Variants in CRACDL observed in about 807,000 individuals in gnomAD.
CRACDL encodes CRACD like.
Under a neutral mutation model 70.6 loss-of-function variants are expected in CRACDL, and 26 were observed. The observed-to-expected ratio is 0.37, with a 90% CI of 0.27 to 0.51. The LOEUF (loss-of-function observed/expected upper bound fraction) is 0.51, where lower values mean the gene tolerates loss of function less well. CRACDL is among the 20% of genes least tolerant of loss of function. CRACDL has a pLI of 0.94. For synonymous variants in CRACDL, 618 were observed against 615.2 expected (o/e 1.00, Z -0.07); for missense variants, 1,283 against 1,376.9 (o/e 0.93, Z 1.08).
chr2:98,823,636 G>T lies in CRACDL; in HGVS notation c.736-99C>A. 7.1e-7 allele frequency: 1 copy of T among 1,411,688 alleles called. No homozygotes were observed. Among genetic ancestry groups the T allele is most frequent in the Non-Finnish European group, 9.7e-7 (1 of 1,036,188 alleles). The allele number at this position is 1,411,688 out of a possible 1,614,324, so 87.4% of individuals were successfully genotyped here. ...CAAGGCTTATAATGGTTTAGTGATA[G>T]CAGCACTATAAAGCTGGCACTTAAG... On this transcript the variant is annotated intron_variant, in intron 6 of 9. Transcript: ENST00000397899. The surrounding 1 kb of genome is among the most constrained non-coding windows in gnomAD (Gnocchi z 4.0).
intron 1 of CRACDL, among the ~76,000 whole-genome samples, chr2:98,888,402 G>A (rs2104629418): frequency 6.6e-6 from 1 of 152,312 alleles, no homozygotes; most frequent in African/African-American, 2.4e-5. Flanking sequence ...ACATATGTAA[G>A]AGCAAAGTTT....
rs748050292 is a variant in CRACDL, at chr2:98,822,324, G to T, written c.1949C>A (p.Pro650Gln). 4 of 1,458,354 alleles carry T rather than the reference G, an allele frequency of 2.7e-6. No homozygotes were observed. The Admixed American group carries it at 1.1e-4, about 40-fold the overall frequency. The allele number at this position is 1,458,354 out of a possible 1,614,324, so 90.3% of individuals were successfully genotyped here. A position where few individuals can be genotyped will look rare whatever the true frequency, so the allele number is the denominator to read the frequency against. Reference protein sequence around the residue: ...SGDRAASPAGPRKSPQEAAAA... With the variant: ...SGDRAASPAGQRKSPQEAAAA... Reference sequence around the variant, plus strand: ...GGCCGCCTCCTGAGGGCTCTTGCGCGGCCCGGCCGGGCTGGCCGCCCTGTC... The same window carrying T: ...GGCCGCCTCCTGAGGGCTCTTGCGCTGCCCGGCCGGGCTGGCCGCCCTGTC... Residue 650 changes from proline (P) to glutamine (Q), a missense_variant, in exon 7 of 10, where the codon CCG (proline) becomes CAG (glutamine). Physicochemically the swap from Pro to Gln is moderately conservative, Grantham distance 76 (BLOSUM62 -1). Coordinates refer to ENST00000397899, the MANE Select transcript of CRACDL (RefSeq NM_207362.3). This position sits in a 1 kb window ranked among gnomAD's most constrained non-coding sequence, Gnocchi z 4.9.
chr2:98,825,397 G>C (rs1705260206), intron 6 of CRACDL, among the ~76,000 whole-genome samples: 1 of 152,228 alleles, frequency 6.6e-6, no homozygotes, highest in African/African-American at 2.4e-5. Flanking sequence ...TGGGATTCAA[G>C]AACTAAGTCA....
In CRACDL at chr2:98,863,290, T is replaced by C. The variant is rs145411110; in HGVS notation, c.-10-16480A>G. ...AAAAAAATGTCAAGCATGAGTCCTA[T>C]AACTGGCAAAAGTATCCTTGAAAAG... On this transcript the variant is annotated intron_variant, in intron 1 of 9. Coordinates refer to ENST00000397899, the MANE Select transcript of CRACDL (RefSeq NM_207362.3). Among the ~76,000 whole-genome samples the C allele has an allele frequency of 2.2e-3, 342 of 152,282 alleles. 1 individual carries two copies. Among genetic ancestry groups the C allele is most frequent in the African/African-American group, 7.1e-3 (295 of 41,552 alleles).
chr2:98,814,933 G>A (rs918138165), intron 7 of CRACDL, among the ~76,000 whole-genome samples: 4 of 151,950 alleles, frequency 2.6e-5, no homozygotes, highest in African/African-American at 9.7e-5. Flanking sequence ...ATTATATAAT[G>A]TTCCATTTTA....
chr2:98,811,084 T>C (rs1489179869), intron 7 of CRACDL, among the ~76,000 whole-genome samples: 2 of 152,014 alleles, frequency 1.3e-5, no homozygotes, highest in African/African-American at 2.4e-5. Flanking sequence ...TGCATGCCCA[T>C]CTTGTTGTGG....
intron 7 of CRACDL, among the ~76,000 whole-genome samples, chr2:98,803,160 C>A (rs61359279): frequency 0.021 from 3,131 of 152,132 alleles, 63 homozygotes; most frequent in East Asian, 0.093. Flanking sequence ...CCACCACGCT[C>A]AGCTAATTTT....
At chr2:98,908,126 A>G (rs1338555464) in intron 1 of CRACDL, among the ~76,000 whole-genome samples, 1 of 152,094 alleles carries the variant, frequency 6.6e-6, no homozygotes, top group African/African-American at 2.4e-5. Flanking sequence ...CAGCCCAGCC[A>G]CTCCGTAGCA....
chr2:98,798,546 T>C (rs537769602), intron 7 of CRACDL, among the ~76,000 whole-genome samples: 2 of 151,324 alleles, frequency 1.3e-5, no homozygotes, highest in South Asian at 4.2e-4. Context: ...ACTGTGCTTG[T>C]CTTTGGGTGG....
At chr2:98,854,941 C>T (rs1173306004) in intron 1 of CRACDL, among the ~76,000 whole-genome samples, 1 of 152,210 alleles carries the variant, frequency 6.6e-6, no homozygotes, top group Non-Finnish European at 1.5e-5. Context: ...TACATAATAA[C>T]ATCACATCAA....
At chr2:98,879,580 A>G (rs112191413) in intron 1 of CRACDL, among the ~76,000 whole-genome samples, 16,166 of 152,048 alleles carry the variant, frequency 0.11, 1,253 homozygotes, top group Admixed American at 0.23. Context: ...ATGGCGTCTC[A>G]CTCTGTTGCC....
At chr2:98,835,894 G>A (rs930141961) in intron 3 of CRACDL, among the ~76,000 whole-genome samples, 2 of 152,174 alleles carry the variant, frequency 1.3e-5, no homozygotes, top group African/African-American at 2.4e-5. Flanking sequence ...GTGGAGGGAC[G>A]ACAGTGACAC....
At chr2:98,865,972 C>T (rs1244147351) in intron 1 of CRACDL, among the ~76,000 whole-genome samples, 1 of 151,944 alleles carries the variant, frequency 6.6e-6, no homozygotes, top group East Asian at 1.9e-4. Flanking sequence ...AGGTGATCCA[C>T]TCACCTCTGC....
intron 7 of CRACDL, among the ~76,000 whole-genome samples, chr2:98,812,958 T>C (rs527460548): frequency 6.6e-6 from 1 of 152,344 alleles, no homozygotes; most frequent in East Asian, 1.9e-4. Flanking sequence ...AAATATTTTC[T>C]CATATTTTTT....
Position 98,794,213 on chromosome 2 carries a change from A to AT in CRACDL, c.*318dup, listed in dbSNP as rs572645980. On this transcript the variant is annotated 3_prime_UTR_variant, in exon 10 of 10. Transcript: ENST00000397899. ...GCTGGGTGTCCTATTTATGTGTCCA[A>AT]TTTCATTTCTATTTTCTTCCTTGTC... 81 of 214,592 alleles carry AT rather than the reference A, an allele frequency of 3.8e-4. 1 individual carries two copies. In the South Asian group the frequency reaches 8.5e-3, roughly 22 times the overall value. The allele number at this position is 214,592 out of a possible 1,614,324, so 13.3% of individuals were successfully genotyped here. A position where few individuals can be genotyped will look rare whatever the true frequency, so the allele number is the denominator to read the frequency against.
intron 1 of CRACDL, among the ~76,000 whole-genome samples, chr2:98,888,394 A>G (rs1707851998): frequency 6.6e-6 from 1 of 152,264 alleles, no homozygotes; most frequent in African/African-American, 2.4e-5. Context: ...GGGAATAGAC[A>G]TATGTAAGAG....
chr2:98,926,967 T>G (rs1708922405), intron 1 of CRACDL, among the ~76,000 whole-genome samples: 1 of 152,138 alleles, frequency 6.6e-6, no homozygotes, highest in Non-Finnish European at 1.5e-5. Flanking sequence ...AGGGATTCGT[T>G]TCTAAGTACT....
chr2:98,893,814 A>G (rs547253839), intron 1 of CRACDL, among the ~76,000 whole-genome samples: 4 of 152,270 alleles, frequency 2.6e-5, no homozygotes, highest in African/African-American at 9.6e-5. Context: ...TACTGAGGAA[A>G]TCCATGCCGT....
chr2:98,832,928 C>G lies in CRACDL; in HGVS notation c.309G>C (p.Gln103His). 6.2e-7 allele frequency: 1 copy of G among 1,614,148 alleles called. No individual in the cohort carries two copies. The highest frequency in any genetic ancestry group is 8.5e-7 in the Non-Finnish European group (1 of 1,179,980). ...HDSIFIPESG[Q>H]DATRPVRVFS... The stretch of plus-strand genomic sequence containing the variant: ...ACACCCGCACAGGCCGAGTAGCGTC[C>G]TGTCCGGACTCAGGAATGAAAATAC... The change falls in exon 4 of 10, where the codon CAG becomes CAC. Residue 103 changes from glutamine (Q) to histidine (H), a missense_variant. Physicochemically the swap from Gln to His is conservative, Grantham distance 24. This residue lies in a region of CRACDL where 362 missense variants were observed against 495.0 expected (regional missense o/e 0.73). Coordinates refer to ENST00000397899, the MANE Select transcript of CRACDL (RefSeq NM_207362.3).
Sources: gnomAD v4.1 joint callset for allele counts (sites outside exome capture counted in the v4.1 genomes callset) on GRCh38, gnomAD v4.1.1 for gene constraint, gnomAD v4.1.1 regional missense constraint, Gnocchi (gnomAD v3.1) non-coding constraint, MANE v1.5 for transcripts, NCBI Gene and HGNC (gene_info 2026-07-23, HGNC 2026-07-21) for gene names.